SEC31B: variants seen among roughly 807,000 people sequenced by gnomAD.
SEC31B encodes the protein protein transport protein Sec31B.
Under a neutral mutation model 135.0 loss-of-function variants are expected in SEC31B, and 113 were observed. The observed-to-expected ratio is 0.84, with a 90% CI of 0.72 to 0.98. The LOEUF (loss-of-function observed/expected upper bound fraction) is 0.98. Ranked by LOEUF, SEC31B falls within the 50% of genes least tolerant of loss-of-function variation. The pLI, the probability that SEC31B is intolerant of heterozygous loss-of-function variation, is 0.00. For synonymous variants in SEC31B, 508 were observed against 549.4 expected, an observed-to-expected ratio of 0.92 and a Z score of 1.05; for missense variants, 1,296 against 1,421.1, an observed-to-expected ratio of 0.91 and a Z score of 1.42.
rs748790224 is a variant in SEC31B at position 100,489,730 on chromosome 10, G to C, written c.2997C>G (p.Ala999=). Residue 999 remains alanine, a synonymous_variant, in exon 22 of 26, where the codon GCC becomes GCG. Transcript: ENST00000370345. Reference sequence around the variant, plus strand: ...TGTTCCTCTGGAGGTTTCCCCTGGGGGCTGGGGCTTCTTTCCAGGAATCTT... The same window carrying C: ...TGTTCCTCTGGAGGTTTCCCCTGGGCGCTGGGGCTTCTTTCCAGGAATCTT... ...GPQDSWKEAP[A]PRGNLQRNKL... 1 of 1,614,132 alleles carries C rather than the reference G, an allele frequency of 6.2e-7. No individual in the cohort carries two copies. Among genetic ancestry groups the C allele is most frequent in the African/African-American group, 1.3e-5 (1 of 75,010 alleles).
rs769714702 is a variant in SEC31B, at chr10:100,498,060, T to C, written c.1832A>G (p.Tyr611Cys). The change falls in exon 15 of 26, where the codon TAC becomes TGC. Residue 611 changes from tyrosine to cysteine, a missense_variant. Coordinates refer to ENST00000370345, the MANE Select transcript of SEC31B (RefSeq NM_015490.4). ...GATTTTGGTTTTCTTCTTGGCCAAG[T>C]AGCGCTCCTGTGTTTGCTTCAGCAG... ...TDLLKQTQER[Y>C]LAKKKTKISS... 5.0e-6 allele frequency: 8 copies of C among 1,614,152 alleles called. No homozygotes were observed. The highest frequency in any genetic ancestry group is 1.1e-5 in the South Asian group (1 of 91,088).
intron 3 of SEC31B, among the ~76,000 whole-genome samples, chr10:100,514,669 G>C (rs1276453365): frequency 6.6e-6 from 1 of 152,066 alleles, no homozygotes; most frequent in African/African-American, 2.4e-5. Flanking sequence ...TGAAAAGAAA[G>C]AGGGTACTTC....
chr10:100,487,357 T>G lies in SEC31B; in HGVS notation c.*259A>C. The G allele has an allele frequency of 2.0e-6, 1 of 489,456 alleles. No homozygotes were observed. Among genetic ancestry groups the G allele is most frequent in the Non-Finnish European group, 3.7e-6 (1 of 270,000 alleles). The allele number at this position is 489,456 out of a possible 1,614,324, so 30.3% of individuals were successfully genotyped here. A position where few individuals can be genotyped will look rare whatever the true frequency, so the allele number is the denominator to read the frequency against. On this transcript the variant is annotated 3_prime_UTR_variant, in exon 26 of 26. Transcript: ENST00000370345. ...TGCCCCAGGTCCTTACAGAGTGTAG[T>G]ATTAGGGAGAGTGAAGAACTGATTC...
rs536080831 is a variant in SEC31B at position 100,507,304 on chromosome 10, C to T, written c.782+121G>A. ...AGGTATTGGGTGACTATATGTTGAC[C>T]GGAATGGCTTTAAAGCCAGGGAGGA... On this transcript the variant is annotated intron_variant, in intron 7 of 25. Coordinates refer to ENST00000370345, the MANE Select transcript of SEC31B (RefSeq NM_015490.4). 13 of 1,258,714 alleles carry T rather than the reference C, an allele frequency of 1.0e-5. No individual in the cohort carries two copies. In the Admixed American group the frequency reaches 1.1e-4, roughly 10 times the overall value. 78.0% of individuals were successfully genotyped at this position (1,258,714 alleles called of 1,614,324 possible).
chr10:100,509,303 T>G lies in SEC31B; in HGVS notation c.399+13A>C, dbSNP rs781624489. The G allele has an allele frequency of 6.2e-7, 1 of 1,610,772 alleles. No individual in the cohort carries two copies. Among genetic ancestry groups the G allele is most frequent in the Non-Finnish European group, 8.5e-7 (1 of 1,178,196 alleles). Reference sequence around the variant, plus strand: ...CCTGGCTTGGCCATGTTTGACTAACTGAAATGTAGTACCTGGAAAGGATTC... The same window carrying G: ...CCTGGCTTGGCCATGTTTGACTAACGGAAATGTAGTACCTGGAAAGGATTC... On this transcript the variant is annotated intron_variant, in intron 4 of 25. Transcript: ENST00000370345.
At chr10:100,509,249 A>T in intron 4 of SEC31B, 67 bp downstream of exon 4, 3 of 1,539,096 alleles carry the variant, frequency 1.9e-6, no homozygotes, top group Non-Finnish European at 2.7e-6. Context: ...GAGGCCACAA[A>T]TGAATGCTTC....
Position 100,505,313 on chromosome 10 carries a change from CACACACACACACAA to C in SEC31B, c.1179+34_1179+47del, listed in dbSNP as rs752090665. The C allele has an allele frequency of 1.6e-4, 252 of 1,598,232 alleles. No individual in the cohort carries two copies. The East Asian group carries it at 5.4e-3, about 34-fold the overall frequency. ...TAGGCTTCACAAACACACACACACA[CACACACACACACAA>C]ACACACACACACCTATACATCCACT... On this transcript the variant is annotated intron_variant, in intron 10 of 25. Coordinates refer to ENST00000370345, the MANE Select transcript of SEC31B (RefSeq NM_015490.4).
chr10:100,514,569 AC>A (rs1233309820), intron 3 of SEC31B, among the ~76,000 whole-genome samples: 7 of 151,892 alleles, frequency 4.6e-5, no homozygotes, highest in South Asian at 2.1e-4. Context: ...AAAAAAAAAA[AC>A]CTGCAAAATA....
In SEC31B at chr10:100,498,861, G is replaced by C; in HGVS notation, c.1585-57C>G. 2.3e-6 allele frequency: 3 copies of C among 1,329,116 alleles called. No individual in the cohort carries two copies. The Admixed American group carries it at 5.2e-5, about 23-fold the overall frequency. The allele number at this position is 1,329,116 out of a possible 1,614,324, so 82.3% of individuals were successfully genotyped here. ...GGGATGAACCCAAGACAGACAGAGA[G>C]CTGGCTTAGTAGCCCTGAGAGCTCT... On this transcript the variant is annotated intron_variant, in intron 13 of 25. Coordinates refer to ENST00000370345, the MANE Select transcript of SEC31B (RefSeq NM_015490.4).
At position 100,497,218 on chromosome 10, in the gene SEC31B, A is replaced by G; in HGVS notation, c.2053T>C (p.Cys685Arg). 1 of 1,614,210 alleles carries G rather than the reference A, an allele frequency of 6.2e-7. No individual in the cohort carries two copies. Among genetic ancestry groups the G allele is most frequent in the Non-Finnish European group, 8.5e-7 (1 of 1,180,042 alleles). The change falls in exon 17 of 26, where the codon TGT becomes CGT. Residue 685 changes from cysteine (C) to arginine (R), a missense_variant. Transcript: ENST00000370345. ...TCCACACTCCCTGAGCACACATAAC[A>G]GAGTCTGGCTTCGGAGGTTAGTGCC... ...SRALTSEARL[C>R]YVCSGSVERL...
rs374899958 is a variant in SEC31B at position 100,507,903 on chromosome 10, C to A, written c.639+5G>T. 7.1e-5 allele frequency: 115 copies of A among 1,614,206 alleles called. 2 individuals are homozygous for A. Among genetic ancestry groups the A allele is most frequent in the South Asian group, 5.2e-4 (47 of 91,086 alleles). The stretch of plus-strand genomic sequence containing the variant: ...CAAGCCTGTGTTCTGGCCTCCAATA[C>A]TCACCCTGTTGCTGTGATCACTGAC... On this transcript the variant is annotated splice_donor_5th_base_variant and intron_variant, in intron 6 of 25. Coordinates refer to ENST00000370345, the MANE Select transcript of SEC31B (RefSeq NM_015490.4).
intron 12 of SEC31B, 85 bp downstream of exon 12, chr10:100,499,439 A>G (rs1851474983): frequency 1.1e-5 from 13 of 1,197,492 alleles, no homozygotes; most frequent in Admixed American, 1.9e-5. Flanking sequence ...AAGGCCAGGA[A>G]GAGGTATTCT....
rs750653118 is a variant in SEC31B at position 100,509,383 on chromosome 10, T to C, written c.332A>G (p.Glu111Gly). The change falls in exon 4 of 26, where the codon GAG becomes GGG. Residue 111 changes from glutamate (E) to glycine (G), a missense_variant. Glu to Gly is a moderately conservative substitution (Grantham distance 98, BLOSUM62 -2). Coordinates refer to ENST00000370345, the MANE Select transcript of SEC31B (RefSeq NM_015490.4). ...CTTCTGTTTCTGAGCAATCACAGGCTCCTTCCCCGAAGACAGGATGTGGGT... is the reference window on the plus strand; with the variant it reads ...CTTCTGTTTCTGAGCAATCACAGGCCCCTTCCCCGAAGACAGGATGTGGGT... Reference protein sequence around the residue: ...NVTHILSSGKEPVIAQKQKHT... With the variant: ...NVTHILSSGKGPVIAQKQKHT... The C allele has an allele frequency of 6.2e-7, 1 of 1,614,056 alleles. No homozygotes were observed. The highest frequency in any genetic ancestry group is 1.7e-5 in the Admixed American group (1 of 60,000).
In SEC31B at chr10:100,487,391, G is replaced by T; in HGVS notation, c.*225C>A. The stretch of plus-strand genomic sequence containing the variant: ...GAGTGAAGAACTGATTCTATGCCCT[G>T]CCTCCAGGCCTGAGAGTGTCTTGGA... On this transcript the variant is annotated 3_prime_UTR_variant, in exon 26 of 26. Coordinates refer to ENST00000370345, the MANE Select transcript of SEC31B (RefSeq NM_015490.4). The T allele has an allele frequency of 1.8e-6, 1 of 559,804 alleles. No individual in the cohort carries two copies. The highest frequency in any genetic ancestry group is 3.2e-6 in the Non-Finnish European group (1 of 313,634). 34.7% of individuals were successfully genotyped at this position (559,804 alleles called of 1,614,324 possible).
At chr10:100,506,445 T>C (rs1206809331) in intron 7 of SEC31B, 25 bp from the exon 8 acceptor site, 11 of 1,607,814 alleles carry the variant, frequency 6.8e-6, no homozygotes, top group Non-Finnish European at 9.4e-6. Context: ...GAAGAGGAAC[T>C]AGCATTTGTT....
rs1037370205 is a variant in SEC31B, at chr10:100,487,642, T to C, written c.3514A>G (p.Ile1172Val). The C allele has an allele frequency of 3.1e-6, 5 of 1,613,310 alleles. No individual in the cohort carries two copies. In the Admixed American group the frequency reaches 8.3e-5, roughly 27 times the overall value. Residue 1172 changes from isoleucine (I) to valine (V), a missense_variant, in exon 26 of 26, where the codon ATC (isoleucine) becomes GTC (valine). Coordinates refer to ENST00000370345, the MANE Select transcript of SEC31B (RefSeq NM_015490.4). ...SFMPILKAVL[I>V]IAHKLLV ...TAGACCAGCAGCTTATGAGCGATGA[T>C]GAGGACAGCCTTCAGGATAGGCATG...
At chr10:100,489,885 A>G in intron 21 of SEC31B, 123 bp downstream of exon 21, 1 of 1,544,492 alleles carries the variant, frequency 6.5e-7, no homozygotes, top group African/African-American at 1.4e-5. Flanking sequence ...GACCATCTAC[A>G]CTCCCAGCCA....
intron 10 of SEC31B, among the ~76,000 whole-genome samples, chr10:100,505,067 G>A (rs7071271): frequency 0.21 from 31,302 of 151,834 alleles, 3,346 homozygotes; most frequent in South Asian, 0.23. Flanking sequence ...GACACGTAAG[G>A]GTTAGAGAAA....
rs750055972 is a variant in SEC31B, at chr10:100,498,210, G to T, written c.1685-3C>A. 2.5e-6 allele frequency: 4 copies of T among 1,614,042 alleles called. No individual in the cohort carries two copies. The highest frequency in any genetic ancestry group is 3.4e-6 in the Non-Finnish European group (4 of 1,179,970). ...CTGGCTTAGGAGTCCATCAATATCT[G>T]CAGGCAGAAGCATCCCCTGTGCATT... On this transcript the variant is annotated splice_region_variant and splice_polypyrimidine_tract_variant and intron_variant, in intron 14 of 25. Transcript: ENST00000370345.
Sources: allele counts gnomAD v4.1 joint callset (sites outside exome capture counted in the v4.1 genomes callset), GRCh38; gene constraint gnomAD v4.1.1; transcripts MANE v1.5; gene names NCBI Gene and HGNC (gene_info 2026-07-23, HGNC 2026-07-21).